Variants in HOMER1 observed in about 807,000 individuals in gnomAD.
HOMER1 encodes the protein homer scaffold protein 1, also known as homer protein homolog 1.
In HOMER1, 3 loss-of-function variants were observed where a neutral mutation model predicts 48.9. That is an observed-to-expected ratio of 0.06 (90% CI 0.03 to 0.16). The LOEUF is 0.16. Ranked by LOEUF, HOMER1 falls within the 10% of genes least tolerant of loss-of-function variation. The probability of loss-of-function intolerance (pLI) is 1.00; values close to 1 mark genes in which losing one functional copy is unlikely to be tolerated. For synonymous variants in HOMER1, 134 were observed against 146.4 expected (o/e 0.92, Z 0.61); for missense variants, 247 against 411.4 (o/e 0.60, Z 3.46).
intron 1 of HOMER1, among the ~76,000 whole-genome samples, chr5:79,477,607 T>C (rs1444874258): frequency 1.3e-5 from 2 of 152,238 alleles, no homozygotes; most frequent in Non-Finnish European, 2.9e-5. Context: ...ATTTAAAGAG[T>C]AATCGATACA....
intron 1 of HOMER1, among the ~76,000 whole-genome samples, chr5:79,464,554 C>G (rs1751401930): frequency 6.6e-6 from 1 of 152,142 alleles, no homozygotes; most frequent in South Asian, 2.1e-4. Context: ...GATGCAGCAG[C>G]TCAAGCACTG....
At chr5:79,429,678 A>G (rs1750365704) in intron 5 of HOMER1, among the ~76,000 whole-genome samples, 1 of 152,212 alleles carries the variant, frequency 6.6e-6, no homozygotes, top group Non-Finnish European at 1.5e-5. Flanking sequence ...GATTTCTTAG[A>G]TATGATACCA....
At chr5:79,417,166 G>A (rs1317529522) in intron 5 of HOMER1, among the ~76,000 whole-genome samples, 3 of 146,160 alleles carry the variant, frequency 2.1e-5, no homozygotes, top group South Asian at 2.1e-4. Context: ...TTTTTGAGAC[G>A]AAGTCTCGCT....
At chr5:79,401,768 A>C (rs918104010) in intron 6 of HOMER1, 131 bp downstream of exon 6, 1 of 843,026 alleles carries the variant, frequency 1.2e-6, no homozygotes, top group Non-Finnish European at 1.9e-6. Flanking sequence ...AATGCATATC[A>C]TACAACCCAT....
rs1423506846 is a variant in HOMER1, at chr5:79,387,103, CTTTCACAAGG to C, written c.876+9710_876+9719del. Among the ~76,000 whole-genome samples the C allele has an allele frequency of 2.8e-5, 4 of 142,864 alleles. No homozygotes were observed. In the East Asian group the frequency reaches 6.5e-4, roughly 23 times the overall value. The allele number at this position is 142,864 out of a possible 152,430, so 93.7% of individuals were successfully genotyped here. ...TCTCTCTCTCTCTCTCTCTCTCTTT[CTTTCACAAGG>C]TCTCATTCTATCACCCAGACGTACA... On this transcript the variant is annotated intron_variant, in intron 8 of 8. Coordinates refer to ENST00000334082, the MANE Select transcript of HOMER1 (RefSeq NM_004272.5).
intron 1 of HOMER1, among the ~76,000 whole-genome samples, chr5:79,471,551 G>GAAAAAAAAA: frequency 1.0e-5 from 1 of 97,680 alleles, no homozygotes; most frequent in East Asian, 2.9e-4. Context: ...CCATCTCAAA[G>GAAAAAAAAA]AAAAAAAAAA....
chr5:79,443,734 A>G (rs1000713558), intron 4 of HOMER1, among the ~76,000 whole-genome samples: 3 of 152,338 alleles, frequency 2.0e-5, no homozygotes, highest in African/African-American at 7.2e-5. Context: ...ATAGAGGAAG[A>G]AAAACAGAGA....
chr5:79,387,069 T>TCTC (rs1749133581), intron 8 of HOMER1, among the ~76,000 whole-genome samples: 8 of 132,266 alleles, frequency 6.0e-5, no homozygotes, highest in South Asian at 5.1e-4. Flanking sequence ...TTTCCTTTCT[T>TCTC]TCTCTATCTC....
intron 1 of HOMER1, among the ~76,000 whole-genome samples, chr5:79,464,740 C>T (rs1190117520): frequency 6.6e-6 from 1 of 152,184 alleles, no homozygotes; most frequent in Non-Finnish European, 1.5e-5. Flanking sequence ...ATTATGACTG[C>T]ATAATATAAC....
chr5:79,377,533 T>C (rs910574072), intron 8 of HOMER1, among the ~76,000 whole-genome samples: 1 of 151,886 alleles, frequency 6.6e-6, no homozygotes, highest in African/African-American at 2.4e-5. Flanking sequence ...ATATATAAAC[T>C]ATATGGGACA....
chr5:79,425,563 A>C (rs754790339), intron 5 of HOMER1, among the ~76,000 whole-genome samples: 1 of 152,122 alleles, frequency 6.6e-6, no homozygotes, highest in Non-Finnish European at 1.5e-5. Flanking sequence ...CTTCGAAGAT[A>C]AAGTACAGCT....
At position 79,465,584 on chromosome 5, in the gene HOMER1, C is replaced by CTTTTTTTTTTTTTTTTTTTTTTTTTTTT. The variant is rs10666507; in HGVS notation, c.6-8567_6-8566insAAAAAAAAAAAAAAAAAAAAAAAAAAAA. 6.4e-5 allele frequency among the ~76,000 whole-genome samples: 5 copies of CTTTTTTTTTTTTTTTTTTTTTTTTTTTT among 77,894 alleles called. 1 individual carries two copies. Among genetic ancestry groups the CTTTTTTTTTTTTTTTTTTTTTTTTTTTT allele is most frequent in the African/African-American group, 3.0e-4 (5 of 16,486 alleles). 51.1% of individuals were successfully genotyped at this position (77,894 alleles called of 152,430 possible). Reference sequence around the variant, plus strand: ...AGTAACAGTACTGTTTACATTTCTTCTTTTTTTTTTTTTTTTTTTTTTTTT... The same window carrying CTTTTTTTTTTTTTTTTTTTTTTTTTTTT: ...AGTAACAGTACTGTTTACATTTCTTCTTTTTTTTTTTTTTTTTTTTTTTTTTTTTTTTTTTTTTTTTTTTTTTTTTTTT... On this transcript the variant is annotated intron_variant, in intron 1 of 8. Transcript: ENST00000334082.
intron 1 of HOMER1, among the ~76,000 whole-genome samples, chr5:79,466,418 A>G (rs1305280058): frequency 6.6e-6 from 1 of 151,972 alleles, no homozygotes; most frequent in Non-Finnish European, 1.5e-5. Flanking sequence ...AGATCACCTG[A>G]GCCAGGTAAG....
At chr5:79,417,785 G>A (rs534273569) in intron 5 of HOMER1, among the ~76,000 whole-genome samples, 1 of 152,230 alleles carries the variant, frequency 6.6e-6, no homozygotes, top group African/African-American at 2.4e-5. Flanking sequence ...GTCACTTAAG[G>A]AAAATTCACC....
chr5:79,433,812 G>A (rs112383128), intron 5 of HOMER1, among the ~76,000 whole-genome samples: 13 of 152,210 alleles, frequency 8.5e-5, no homozygotes, highest in African/African-American at 3.1e-4. Context: ...AACCCATACA[G>A]ATGTCATACA....
At chr5:79,486,494 CATT>C (rs1202948504) in intron 1 of HOMER1, among the ~76,000 whole-genome samples, 1 of 152,122 alleles carries the variant, frequency 6.6e-6, no homozygotes, top group Non-Finnish European at 1.5e-5. Flanking sequence ...GTTATACAGG[CATT>C]GTTGTAGGTG....
chr5:79,483,067 T>C (rs919897137), intron 1 of HOMER1, among the ~76,000 whole-genome samples: 8 of 151,734 alleles, frequency 5.3e-5, no homozygotes, highest in African/African-American at 9.7e-5. Context: ...TATAAAGCCA[T>C]AGATCTGAGA....
chr5:79,424,035 T>C (rs1429498547), intron 5 of HOMER1, among the ~76,000 whole-genome samples: 1 of 152,094 alleles, frequency 6.6e-6, no homozygotes, highest in Non-Finnish European at 1.5e-5. Flanking sequence ...TTCTATAAAC[T>C]AGTCCCATAA....
chr5:79,499,866 T>C (rs1316097907), intron 1 of HOMER1, among the ~76,000 whole-genome samples: 1 of 152,208 alleles, frequency 6.6e-6, no homozygotes, highest in East Asian at 1.9e-4. Context: ...GTAAATTGTG[T>C]ATCACAACAG....
Sources: allele counts gnomAD v4.1 joint callset (sites outside exome capture counted in the v4.1 genomes callset), GRCh38; gene constraint gnomAD v4.1.1; transcripts MANE v1.5; gene names NCBI Gene and HGNC (gene_info 2026-07-23, HGNC 2026-07-21).